Variants in ADCY3 observed in about 807,000 individuals in gnomAD.
The protein encoded by ADCY3 is adenylate cyclase type 3.
Under a neutral mutation model 119.4 loss-of-function variants are expected in ADCY3, and 70 were observed. That is an observed-to-expected ratio of 0.59 (90% CI 0.48 to 0.72). The LOEUF is 0.72. Among genes scored for constraint, ADCY3 ranks in the 30% least tolerant of loss-of-function variants. The pLI is 0.00. For missense variants in ADCY3, 1,238 were observed against 1,541.6 expected, an observed-to-expected ratio of 0.80 and a Z score of 3.30; for synonymous variants, 672 against 621.4, an observed-to-expected ratio of 1.08 and a Z score of -1.21.
chr2:24,864,136 A>G (rs1416289838), intron 3 of ADCY3, among the ~76,000 whole-genome samples: 1 of 152,062 alleles, frequency 6.6e-6, no homozygotes, highest in Non-Finnish European at 1.5e-5. Context: ...AAAATACAAG[A>G]AAAATTAGCT....
At position 24,918,899 on chromosome 2, in the gene ADCY3, C is replaced by T. The variant is rs766455325; in HGVS notation, c.89G>A (p.Arg30His). The change falls in exon 2 of 22, where the codon CGC (arginine) becomes CAC (histidine). Residue 30 changes from arginine (R) to histidine (H), a missense_variant. This residue lies in a region of ADCY3 where 227 missense variants were observed against 249.3 expected (regional missense o/e 0.91). Coordinates refer to ENST00000679454, the MANE Select transcript of ADCY3 (RefSeq NM_004036.5). This position sits in a 1 kb window ranked among gnomAD's most constrained non-coding sequence, Gnocchi z 5.4. ...GATTTCATGGGTCCGGCCCACCCCGCGGTCAGGGTCGGAGGGCAGGCTGAC... is the reference window on the plus strand; with the variant it reads ...GATTTCATGGGTCCGGCCCACCCCGTGGTCAGGGTCGGAGGGCAGGCTGAC... ...YSVSLPSDPD[R>H]GVGRTHEISV... 9.3e-5 allele frequency: 150 copies of T among 1,612,762 alleles called. No homozygotes were observed. Among genetic ancestry groups the T allele is most frequent in the Middle Eastern group, 1.6e-4 (1 of 6,078 alleles).
chr2:24,866,545 A>G (rs1572932577), intron 3 of ADCY3, among the ~76,000 whole-genome samples: 1 of 145,086 alleles, frequency 6.9e-6, no homozygotes, highest in African/African-American at 2.5e-5. Context: ...AGCCTGAGTG[A>G]CAAAGCAAGA....
intron 13 of ADCY3, among the ~76,000 whole-genome samples, chr2:24,830,141 A>C (rs908568168): frequency 1.3e-5 from 2 of 149,138 alleles, no homozygotes; most frequent in African/African-American, 5.0e-5. Context: ...CCTGGGTTCA[A>C]GCGATTCTCC....
chr2:24,901,111 G>T (rs1678847829), intron 2 of ADCY3, among the ~76,000 whole-genome samples: 1 of 152,144 alleles, frequency 6.6e-6, no homozygotes. Flanking sequence ...CAGCGAGGAG[G>T]GAGCAGGTCA....
At chr2:24,835,809 G>A (rs533894996) in intron 9 of ADCY3, among the ~76,000 whole-genome samples, 38 of 152,032 alleles carry the variant, frequency 2.5e-4, no homozygotes, top group African/African-American at 8.7e-4. Flanking sequence ...GGTGGTACAC[G>A]CCTGTAATCA....
rs1371922391 is a variant in ADCY3 at position 24,834,442 on chromosome 2, C to T, written c.1967+43G>A. 5.3e-6 allele frequency: 8 copies of T among 1,514,648 alleles called. No individual in the cohort carries two copies. The highest frequency in any genetic ancestry group is 1.4e-5 in the African/African-American group (1 of 72,434). 93.8% of individuals were successfully genotyped at this position (1,514,648 alleles called of 1,614,324 possible). ...GCCCCCGCCCCCCGCCCGGCACCAC[C>T]GCAGCCGAGGAAACTCGTGGCCCTC... On this transcript the variant is annotated intron_variant, in intron 11 of 21. Transcript: ENST00000679454. This position sits in a 1 kb window ranked among gnomAD's most constrained non-coding sequence, Gnocchi z 4.2.
chr2:24,820,942 T>G, intron 20 of ADCY3, 94 bp from the exon 21 acceptor site: 1 of 1,520,276 alleles, frequency 6.6e-7, no homozygotes, highest in African/African-American at 1.4e-5. Context: ...ACCACAAAGC[T>G]CCTAATGTAA....
At chr2:24,822,076 T>C (rs956538833) in intron 19 of ADCY3, 23 of 189,418 alleles carry the variant, frequency 1.2e-4, no homozygotes, top group African/African-American at 5.2e-4. Flanking sequence ...ATGATGGTGT[T>C]TTAAGACCAG....
intron 3 of ADCY3, among the ~76,000 whole-genome samples, chr2:24,868,201 T>C (rs563420653): frequency 6.6e-6 from 1 of 152,334 alleles, no homozygotes; most frequent in Admixed American, 6.5e-5. Context: ...CTTAGTGCAC[T>C]TCTACGTCGC....
chr2:24,826,474 T>C (rs1668635552), intron 15 of ADCY3: 1 of 220,134 alleles, frequency 4.5e-6, no homozygotes, highest in African/African-American at 2.3e-5. Context: ...AGTGATGGGA[T>C]TTCATAGCCA....
chr2:24,823,453 C>T, intron 17 of ADCY3, 98 bp from the exon 18 acceptor site: 2 of 1,322,932 alleles, frequency 1.5e-6, no homozygotes, highest in Admixed American at 2.7e-5. Context: ...CATGTGCACT[C>T]AGCTTTTTGG....
At chr2:24,908,307 G>A (rs1161238720) in intron 2 of ADCY3, among the ~76,000 whole-genome samples, 2 of 151,890 alleles carry the variant, frequency 1.3e-5, no homozygotes, top group Non-Finnish European at 2.9e-5. Flanking sequence ...TGGGCAACAA[G>A]AGCGAAACTC....
chr2:24,914,761 A>G (rs1435285241), intron 2 of ADCY3, among the ~76,000 whole-genome samples: 10 of 151,636 alleles, frequency 6.6e-5, no homozygotes, highest in Non-Finnish European at 1.2e-4. Flanking sequence ...TGCCCACCCA[A>G]GGTGGCTCTC....
At chr2:24,860,863 G>C (rs1305720177) in intron 3 of ADCY3, among the ~76,000 whole-genome samples, 1 of 152,208 alleles carries the variant, frequency 6.6e-6, no homozygotes, top group African/African-American at 2.4e-5. Flanking sequence ...CTTCACAGCA[G>C]AGGAGGAAGC....
intron 9 of ADCY3, among the ~76,000 whole-genome samples, 154 bp from the exon 10 acceptor site, chr2:24,835,090 C>T (rs1318396219): frequency 1.3e-5 from 2 of 152,182 alleles, no homozygotes; most frequent in Non-Finnish European, 2.9e-5. Context: ...GGAAGTCTTC[C>T]CCATGCTCCC....
At chr2:24,826,338 C>T (rs1037598450) in intron 15 of ADCY3, 1 of 549,510 alleles carries the variant, frequency 1.8e-6, no homozygotes, top group African/African-American at 1.9e-5. Context: ...CAACCCCTGG[C>T]CCCTCCTGGC....
intron 2 of ADCY3, among the ~76,000 whole-genome samples, chr2:24,895,418 T>C (rs1226152139): frequency 6.6e-6 from 1 of 152,152 alleles, no homozygotes; most frequent in Admixed American, 6.5e-5. Flanking sequence ...TTATATTTGT[T>C]TGTATTCTGT....
At chr2:24,891,894 C>T (rs938489839) in intron 2 of ADCY3, among the ~76,000 whole-genome samples, 15 of 152,158 alleles carry the variant, frequency 9.9e-5, no homozygotes, top group African/African-American at 2.2e-4. Flanking sequence ...ATCATAGATA[C>T]GTATATATAG....
At position 24,838,613 on chromosome 2, in the gene ADCY3, G is replaced by A. The variant is rs1346738016; in HGVS notation, c.1365C>T (p.His455=). 6 of 1,613,782 alleles carry A rather than the reference G, an allele frequency of 3.7e-6. No individual in the cohort carries two copies. The highest frequency in any genetic ancestry group is 5.1e-6 in the Non-Finnish European group (6 of 1,180,044). The change falls in exon 8 of 22, where the codon CAC becomes CAT. Residue 455 remains histidine, a synonymous_variant. Coordinates refer to ENST00000679454, the MANE Select transcript of ADCY3 (RefSeq NM_004036.5). ...MEAGGIPGRV[H]ISQSTMDCLK... ...GGCAGTCCATGGTGCTCTGGGAGAT[G>A]TGCACGCGCCTGGATTGCAGAGAGA...
Sources: gnomAD v4.1 joint callset for allele counts (sites outside exome capture counted in the v4.1 genomes callset) on GRCh38, gnomAD v4.1.1 for gene constraint, gnomAD v4.1.1 regional missense constraint, Gnocchi (gnomAD v3.1) non-coding constraint, MANE v1.5 for transcripts, NCBI Gene and HGNC (gene_info 2026-07-23, HGNC 2026-07-21) for gene names.